SI: variants seen among roughly 807,000 people sequenced by gnomAD.
SI encodes sucrase-isomaltase, also known as sucrase-isomaltase, intestinal.
A neutral mutation model predicts 253.3 loss-of-function variants in SI; 235 were observed. The observed-to-expected ratio is 0.93, with a 90% CI of 0.83 to 1.03. The LOEUF is 1.03. Among genes scored for constraint, SI ranks in the 50% least tolerant of loss-of-function variants. The probability of loss-of-function intolerance (pLI) is 0.00; values close to 1 mark genes in which losing one functional copy is unlikely to be tolerated. For synonymous variants in SI, 819 were observed against 712.0 expected (o/e 1.15, Z -2.39); for missense variants, 2,442 against 2,211.1 (o/e 1.10, Z -2.09).
rs75737430 is a variant in SI, at chr3:164,985,184, G to A, written c.5197+1954C>T. Among the ~76,000 whole-genome samples the A allele has an allele frequency of 5.6e-4, 86 of 152,284 alleles. 2 individuals are homozygous for A. The East Asian group carries it at 0.016, about 28-fold the overall frequency. On this transcript the variant is annotated intron_variant, in intron 45 of 47. Coordinates refer to ENST00000264382, the MANE Select transcript of SI (RefSeq NM_001041.4). ...AATGTTGTCATCGATGCTGTAGTTG[G>A]ATAGGAGGAGCTGGAGAAAATTCTA...
At chr3:165,008,891 C>G (rs988849370) in intron 35 of SI, among the ~76,000 whole-genome samples, 1 of 151,476 alleles carries the variant, frequency 6.6e-6, no homozygotes, top group South Asian at 2.1e-4. Flanking sequence ...AAGATTACAT[C>G]AAAAAAGAAA....
At chr3:165,083,071 C>T (rs572888654), upstream of SI, among the ~76,000 whole-genome samples, 1 of 151,886 alleles carries the variant, frequency 6.6e-6, no homozygotes, top group Non-Finnish European at 1.5e-5. Flanking sequence ...AAAACAGCAA[C>T]ATACTCAAAA....
In SI at chr3:165,039,068, G is replaced by A. The variant is rs1487932415; in HGVS notation, c.2301+10C>T. The A allele has an allele frequency of 6.5e-7, 1 of 1,548,552 alleles. No individual in the cohort carries two copies. Among genetic ancestry groups the A allele is most frequent in the Admixed American group, 1.7e-5 (1 of 59,656 alleles). On this transcript the variant is annotated intron_variant, in intron 20 of 47. Coordinates refer to ENST00000264382, the MANE Select transcript of SI (RefSeq NM_001041.4). ...ACTTGTGAGTCCATTAGTATGTTAA[G>A]GTTACTTACAGATTCATAATCATAC... is the stretch of plus-strand genomic sequence containing the variant.
Position 165,024,622 on chromosome 3 carries a change from G to A in SI, c.2893-846C>T, listed in dbSNP as rs1427306189. On this transcript the variant is annotated intron_variant, in intron 25 of 47. Transcript: ENST00000264382. ...ATTTCATCTGTGTACCCTATCCCAG[G>A]CCTCCTTACCTATAAAAATATTTCT... 3.3e-5 allele frequency among the ~76,000 whole-genome samples: 5 copies of A among 150,786 alleles called. No homozygotes were observed. In the East Asian group the frequency reaches 5.9e-4, roughly 18 times the overall value.
intron 47 of SI, among the ~76,000 whole-genome samples, chr3:164,980,033 G>C (rs931119606): frequency 6.6e-5 from 10 of 151,754 alleles, no homozygotes; most frequent in African/African-American, 2.2e-4. Context: ...GATTTCAGGA[G>C]ACTTTACCAT....
At chr3:165,086,780 T>G in the SI span, among the ~76,000 whole-genome samples, 16 of 152,296 alleles carry the variant, frequency 1.1e-4, no homozygotes, top group African/African-American at 3.8e-4. Flanking sequence ...ATTAATGCCA[T>G]GCAAGTGAGT....
intron 9 of SI, among the ~76,000 whole-genome samples, chr3:165,060,272 A>T (rs1713920951): frequency 6.6e-6 from 1 of 151,980 alleles, no homozygotes; most frequent in Non-Finnish European, 1.5e-5. Context: ...AAAATTAGAA[A>T]GTGTAGCATA....
chr3:165,005,199 T>C (rs1415153693), intron 37 of SI, among the ~76,000 whole-genome samples: 1 of 152,084 alleles, frequency 6.6e-6, no homozygotes, highest in Non-Finnish European at 1.5e-5. Context: ...AGTATCTTTA[T>C]GAAAGAGTGA....
At chr3:165,029,234 C>T (rs1004055219) in intron 25 of SI, among the ~76,000 whole-genome samples, 1 of 150,610 alleles carries the variant, frequency 6.6e-6, no homozygotes, top group Non-Finnish European at 1.5e-5. Context: ...AATGTAATAC[C>T]ACCTTACTCC....
intron 28 of SI, among the ~76,000 whole-genome samples, chr3:165,018,349 AC>A (rs1184865576): frequency 1.3e-5 from 2 of 150,768 alleles, no homozygotes; most frequent in African/African-American, 2.4e-5. Flanking sequence ...ACAATATGTA[AC>A]AACTGCAAAT....
At chr3:165,048,443 G>A (rs1474509038) in intron 15 of SI, among the ~76,000 whole-genome samples, 2 of 150,616 alleles carry the variant, frequency 1.3e-5, no homozygotes, top group Non-Finnish European at 3.0e-5. Flanking sequence ...ATTTTCCCAG[G>A]CTAATTGTGA....
chr3:165,082,147 C>T (rs1213981468), upstream of SI, among the ~76,000 whole-genome samples: 1 of 151,894 alleles, frequency 6.6e-6, no homozygotes, highest in Non-Finnish European at 1.5e-5. Flanking sequence ...TTTACCAGCT[C>T]CATCAAGACA....
intron 37 of SI, among the ~76,000 whole-genome samples, chr3:165,001,222 T>C (rs991960719): frequency 3.3e-5 from 5 of 151,310 alleles, no homozygotes; most frequent in Admixed American, 2.0e-4. Context: ...GTTCTCATGA[T>C]TGGATGGTGT....
At position 164,998,410 on chromosome 3, in the gene SI, C is replaced by T. The variant is rs373619076; in HGVS notation, c.4540+130G>A. On this transcript the variant is annotated intron_variant, in intron 38 of 47. Coordinates refer to ENST00000264382, the MANE Select transcript of SI (RefSeq NM_001041.4). ...CCTGGCCCACTGTCTTTTTCTGATG[C>T]TATATGACATAAAGTACGATGTGAA... 2.5e-5 allele frequency: 23 copies of T among 903,986 alleles called. No individual in the cohort carries two copies. The East Asian group carries it at 4.1e-4, about 16-fold the overall frequency. The allele number at this position is 903,986 out of a possible 1,614,324, so 56.0% of individuals were successfully genotyped here. A position where few individuals can be genotyped will look rare whatever the true frequency, so the allele number is the denominator to read the frequency against.
At position 164,982,217 on chromosome 3, in the gene SI, G is replaced by GA; in HGVS notation, c.5415+25dup. On this transcript the variant is annotated intron_variant, in intron 47 of 47. Coordinates refer to ENST00000264382, the MANE Select transcript of SI (RefSeq NM_001041.4). ...AGATGCTTTAAATACGTACGCTTTT[G>GA]AAAAATATTTTCTTACATTACTTAC... The GA allele has an allele frequency of 3.1e-6, 5 of 1,593,370 alleles. No homozygotes were observed. The African/African-American group carries it at 4.0e-5, about 13-fold the overall frequency.
chr3:165,021,136 A>G (rs1711588569), intron 27 of SI, 93 bp downstream of exon 27: 5 of 1,101,560 alleles, frequency 4.5e-6, no homozygotes, highest in Non-Finnish European at 6.9e-6. Context: ...GTGTGATGCT[A>G]CTCTAGGACA....
rs995456820 is a variant in SI at position 165,038,020 on chromosome 3, G to A, written c.2306C>T (p.Ala769Val). The change falls in exon 21 of 48, where the codon GCA (alanine) becomes GTA (valine). Residue 769 changes from alanine to valine, a missense_variant. Transcript: ENST00000264382. ...DAIWYDYESG[A>V]KRPWRKQRVD... ...CCGTTGTTTCCTCCATGGCCTTTTT[G>A]CACCCTAATAATTGGAAGATTAAAA... The A allele has an allele frequency of 5.7e-6, 9 of 1,582,290 alleles. No individual in the cohort carries two copies. The highest frequency in any genetic ancestry group is 1.1e-5 in the South Asian group (1 of 90,370).
chr3:165,075,012 A>G (rs1201240601), intron 2 of SI, among the ~76,000 whole-genome samples: 1 of 152,070 alleles, frequency 6.6e-6, no homozygotes, highest in African/African-American at 2.4e-5. Flanking sequence ...AGATGGAGCA[A>G]TATGAGTTAT....
rs768226156 is a variant in SI at position 164,996,506 on chromosome 3, T to C, written c.4692+29A>G. 4.3e-6 allele frequency: 5 copies of C among 1,171,326 alleles called. No individual in the cohort carries two copies. The Admixed American group carries it at 6.8e-5, about 16-fold the overall frequency. The allele number at this position is 1,171,326 out of a possible 1,614,324, so 72.6% of individuals were successfully genotyped here. A position where few individuals can be genotyped will look rare whatever the true frequency, so the allele number is the denominator to read the frequency against. On this transcript the variant is annotated intron_variant, in intron 40 of 47. Coordinates refer to ENST00000264382, the MANE Select transcript of SI (RefSeq NM_001041.4). ...ATGAAGCATAGCCCAAGTAAGAAAA[T>C]ACTGAAAGTAAATGTAGTAATTACA... is the stretch of plus-strand genomic sequence containing the variant.
Sources: gnomAD v4.1 joint callset for allele counts (sites outside exome capture counted in the v4.1 genomes callset) on GRCh38, gnomAD v4.1.1 for gene constraint, MANE v1.5 for transcripts, NCBI Gene and HGNC (gene_info 2026-07-23, HGNC 2026-07-21) for gene names.